The following SEC22C variants were observed in gnomAD, a reference collection of about 807,000 sequenced individuals.
SEC22C encodes the protein SEC22 homolog C, vesicle trafficking protein.
Under a neutral mutation model 34.7 loss-of-function variants are expected in SEC22C, and 29 were observed. The ratio of observed to expected loss-of-function variants is 0.84; its 90% confidence interval spans 0.62 to 1.14. The LOEUF is 1.14. Among genes scored for constraint, SEC22C ranks in the 50% most tolerant of loss-of-function variants. SEC22C has a pLI of 0.00. For synonymous variants in SEC22C, 117 were observed against 132.8 expected (o/e 0.88, Z 0.82); for missense variants, 337 against 369.0 (o/e 0.91, Z 0.71).
intron 1 of SEC22C, among the ~76,000 whole-genome samples, chr3:42,595,978 G>C (rs1441231898): frequency 6.6e-6 from 1 of 152,064 alleles, no homozygotes; most frequent in African/African-American, 2.4e-5. Context: ...TGAGGGCTCT[G>C]GCTCTTTCTT....
In SEC22C at chr3:42,551,318, C is replaced by CT; in HGVS notation, c.*1929dup. The CT allele has an allele frequency of 1.0e-6, 1 of 985,284 alleles. No homozygotes were observed. 61.0% of individuals were successfully genotyped at this position (985,284 alleles called of 1,614,324 possible). On this transcript the variant is annotated 3_prime_UTR_variant, in exon 7 of 7. Transcript: ENST00000264454. ...GTAGAGACAACTTTGGAGTTTATGT[C>CT]TGAGTATGCTGCCAATATAATTTTC... is the stretch of plus-strand genomic sequence containing the variant.
At chr3:42,558,623 T>C (rs1033261776) in intron 4 of SEC22C, among the ~76,000 whole-genome samples, 2 of 150,918 alleles carry the variant, frequency 1.3e-5, no homozygotes, top group Admixed American at 6.6e-5. Context: ...CCCATCTCTA[T>C]TAAAAAAAAA....
At chr3:42,559,037 G>A (rs1702718593) in intron 4 of SEC22C, among the ~76,000 whole-genome samples, 1 of 152,162 alleles carries the variant, frequency 6.6e-6, no homozygotes, top group African/African-American at 2.4e-5. Context: ...GATTATTCAG[G>A]TTACAAGCTG....
intron 6 of SEC22C, among the ~76,000 whole-genome samples, chr3:42,554,482 C>T (rs369388052): frequency 6.6e-6 from 1 of 152,102 alleles, no homozygotes; most frequent in Non-Finnish European, 1.5e-5. Flanking sequence ...GTAGCTGGGA[C>T]TACAGGTATG....
chr3:42,551,974 T>C lies in SEC22C; in HGVS notation c.*1274A>G, dbSNP rs1702278945. ...TGCAACTGTGGTTGAACTATTCAGA[T>C]TCCAGACTTCTACCAAGAACAATCC... On this transcript the variant is annotated 3_prime_UTR_variant, in exon 7 of 7. Transcript: ENST00000264454. 1 of 985,222 alleles carries C rather than the reference T, an allele frequency of 1.0e-6. No individual in the cohort carries two copies. Among genetic ancestry groups the C allele is most frequent in the African/African-American group, 1.7e-5 (1 of 57,236 alleles). 61.0% of individuals were successfully genotyped at this position (985,222 alleles called of 1,614,324 possible). A position where few individuals can be genotyped will look rare whatever the true frequency, so the allele number is the denominator to read the frequency against.
At position 42,557,693 on chromosome 3, in the gene SEC22C, G is replaced by C; in HGVS notation, c.530C>G (p.Pro177Arg). The C allele has an allele frequency of 6.5e-7, 1 of 1,535,786 alleles. No homozygotes were observed. Among genetic ancestry groups the C allele is most frequent in the East Asian group, 2.2e-5 (1 of 44,476 alleles). ...GHTPMHLEPA[P>R]NFRMEPVTAL... Reference sequence around the variant, plus strand: ...TGTCACTGGTTCCATTCGGAAATTAGGAGCTTCACAATGGAAAAAAAACAA... The same window carrying C: ...TGTCACTGGTTCCATTCGGAAATTACGAGCTTCACAATGGAAAAAAAACAA... The change falls in exon 5 of 7, where the codon CCT (proline) becomes CGT (arginine). Residue 177 changes from proline to arginine, a missense_variant. Pro to Arg is a moderately radical substitution (Grantham distance 103). Transcript: ENST00000264454.
chr3:42,569,403 TA>T (rs1381372245), intron 1 of SEC22C, among the ~76,000 whole-genome samples: 1 of 152,032 alleles, frequency 6.6e-6, no homozygotes, highest in Non-Finnish European at 1.5e-5. Context: ...CCAACAGTAG[TA>T]ATGGCAGGTA....
At chr3:42,584,021 C>T (rs1458549469), upstream of SEC22C, among the ~76,000 whole-genome samples, 1 of 152,180 alleles carries the variant, frequency 6.6e-6, no homozygotes, top group African/African-American at 2.4e-5. Flanking sequence ...AAGCAGTCTA[C>T]CAGCCTCCCT....
At chr3:42,598,181 C>A (rs2125744345) in intron 1 of SEC22C, among the ~76,000 whole-genome samples, 1 of 152,214 alleles carries the variant, frequency 6.6e-6, no homozygotes, top group Non-Finnish European at 1.5e-5. Context: ...TCTAAATATC[C>A]ACTGACATAT....
rs1702346403 is a variant in SEC22C, at chr3:42,553,403, C to T, written c.757G>A (p.Val253Met). 1 of 1,614,142 alleles carries T rather than the reference C, an allele frequency of 6.2e-7. No homozygotes were observed. Among genetic ancestry groups the T allele is most frequent in the Non-Finnish European group, 8.5e-7 (1 of 1,180,014 alleles). ...AGGCAAATAAAGAGCAGCATAAGCA[C>T]CACCTTCATAGTCCTGGCTGGACTG... ...FYSPARTMKV[V>M]LMLLFICLGN... The change falls in exon 7 of 7, where the codon GTG becomes ATG. Residue 253 changes from valine (V) to methionine (M), a missense_variant. By Grantham distance (21) the Val-to-Met change is conservative. Transcript: ENST00000264454.
intron 2 of SEC22C, among the ~76,000 whole-genome samples, chr3:42,567,248 G>A (rs370274315): frequency 1.4e-3 from 207 of 152,314 alleles, no homozygotes; most frequent in African/African-American, 4.9e-3. Context: ...AATATAAGGA[G>A]AGCAAAAGAG....
In SEC22C at chr3:42,549,320, G is replaced by A. The variant is rs1702136706; in HGVS notation, c.*3928C>T. ...TATGCAAGCAAGCAGCAGGTTCTCA[G>A]AAGGCCACTGTCCTGCATGTCACAA... On this transcript the variant is annotated 3_prime_UTR_variant, in exon 7 of 7. Coordinates refer to ENST00000264454, the MANE Select transcript of SEC22C (RefSeq NM_032970.4). The A allele has an allele frequency of 2.0e-6, 2 of 985,566 alleles. No homozygotes were observed. The highest frequency in any genetic ancestry group is 4.7e-5 in the South Asian group (1 of 21,294). 61.1% of individuals were successfully genotyped at this position (985,566 alleles called of 1,614,324 possible).
Position 42,548,454 on chromosome 3 carries a change from C to T in SEC22C, c.*4794G>A, listed in dbSNP as rs1168727675. 4.0e-6 allele frequency: 3 copies of T among 755,452 alleles called. No individual in the cohort carries two copies. Among genetic ancestry groups the T allele is most frequent in the Non-Finnish European group, 6.7e-6 (3 of 450,914 alleles). 46.8% of individuals were successfully genotyped at this position (755,452 alleles called of 1,614,324 possible). On this transcript the variant is annotated 3_prime_UTR_variant, in exon 7 of 7. Transcript: ENST00000264454. ...GGGCAACAGCTCTGCCATCAATACACATGGGCAGATGTTTCCGAATCCAGC... is the reference window on the plus strand; with the variant it reads ...GGGCAACAGCTCTGCCATCAATACATATGGGCAGATGTTTCCGAATCCAGC...
chr3:42,555,831 TG>T, intron 6 of SEC22C, 98 bp downstream of exon 6: 1 of 999,264 alleles, frequency 1.0e-6, no homozygotes, highest in South Asian at 1.4e-5. Context: ...ATGACCTTGG[TG>T]GAACAAAAAT....
At position 42,553,378 on chromosome 3, in the gene SEC22C, A is replaced by T; in HGVS notation, c.782T>A (p.Leu261Gln). Residue 261 changes from leucine (L) to glutamine (Q), a missense_variant, in exon 7 of 7, where the codon CTG (leucine) becomes CAG (glutamine). Coordinates refer to ENST00000264454, the MANE Select transcript of SEC22C (RefSeq NM_032970.4). ...KVVLMLLFIC[L>Q]GNMYLHGLRN... is the part of the protein sequence containing the mutation. ...CAGCCCGTGCAGGTACATGTTGCCC[A>T]GGCAAATAAAGAGCAGCATAAGCAC... is the stretch of plus-strand genomic sequence containing the variant. 1 of 1,614,192 alleles carries T rather than the reference A, an allele frequency of 6.2e-7. No individual in the cohort carries two copies. Among genetic ancestry groups the T allele is most frequent in the Non-Finnish European group, 8.5e-7 (1 of 1,180,034 alleles).
chr3:42,562,059 T>C (rs1232612167), intron 3 of SEC22C, among the ~76,000 whole-genome samples: 3 of 152,210 alleles, frequency 2.0e-5, no homozygotes, highest in Non-Finnish European at 4.4e-5. Context: ...GGATTATATA[T>C]TTGAAAAGTA....
chr3:42,568,794 T>C (rs1703424667), intron 2 of SEC22C, 71 bp downstream of exon 2: 2 of 1,273,950 alleles, frequency 1.6e-6, no homozygotes, highest in Non-Finnish European at 2.3e-6. Context: ...CAGCATAAGA[T>C]TATCACTACA....
Position 42,578,096 on chromosome 3 carries a change from G to A in SEC22C, c.-28+3750C>T, listed in dbSNP as rs115963193. Among the ~76,000 whole-genome samples, 1,151 of 152,236 alleles carry A rather than the reference G, an allele frequency of 7.6e-3. 20 individuals are homozygous for A. The highest frequency in any genetic ancestry group is 0.026 in the African/African-American group (1,100 of 41,532). On this transcript the variant is annotated intron_variant, in intron 1 of 6. Transcript: ENST00000264454. ...GAGAAATAAAAATTTGTGTCTACAC[G>A]AAAACCTCTGTACAATTGCTCATTG...
At chr3:42,591,416 A>G (rs1292267434) in intron 1 of SEC22C, 9 of 793,576 alleles carry the variant, frequency 1.1e-5, no homozygotes, top group Non-Finnish European at 2.0e-5. Context: ...GCTAGTCTCG[A>G]ACTCCTGACC....
Sources: allele counts gnomAD v4.1 joint callset (sites outside exome capture counted in the v4.1 genomes callset), GRCh38; gene constraint gnomAD v4.1.1; transcripts MANE v1.5; gene names NCBI Gene and HGNC (gene_info 2026-07-23, HGNC 2026-07-21).